Variants in GABRG3 observed in about 807,000 individuals in gnomAD.
GABRG3 encodes gamma-aminobutyric acid type A receptor subunit gamma3.
Under a neutral mutation model 48.8 loss-of-function variants are expected in GABRG3, and 25 were observed. The observed-to-expected ratio is 0.51, with a 90% CI of 0.37 to 0.72. The LOEUF is 0.72. GABRG3 is among the 30% of genes least tolerant of loss of function. The pLI is 0.00. For missense variants in GABRG3, 394 were observed against 577.9 expected (o/e 0.68, Z 3.26); for synonymous variants, 227 against 217.6 (o/e 1.04, Z -0.38).
chr15:27,308,658 A>G (rs34423289), intron 3 of GABRG3, among the ~76,000 whole-genome samples: 3 of 149,560 alleles, frequency 2.0e-5, no homozygotes, highest in African/African-American at 7.3e-5. Context: ...TTATGTATAA[A>G]CATATAATGT....
chr15:27,480,365 G>T (rs934198614), intron 5 of GABRG3, among the ~76,000 whole-genome samples: 2 of 152,152 alleles, frequency 1.3e-5, no homozygotes, highest in African/African-American at 4.8e-5. Context: ...GGCAGCTGTG[G>T]CTCTCCAAGG....
At chr15:27,033,617 T>C (rs1220308009) in intron 3 of GABRG3, among the ~76,000 whole-genome samples, 1 of 152,154 alleles carries the variant, frequency 6.6e-6, no homozygotes, top group Non-Finnish European at 1.5e-5. Flanking sequence ...CACTAAAGGA[T>C]ACGAATTATG....
At position 27,425,505 on chromosome 15, in the gene GABRG3, G is replaced by A. The variant is rs143168268; in HGVS notation, c.575-55145G>A. Among the ~76,000 whole-genome samples, 457 of 151,428 alleles carry A rather than the reference G, an allele frequency of 3.0e-3. 3 individuals carry two copies. The highest frequency in any genetic ancestry group is 0.011 in the African/African-American group (435 of 41,252). On this transcript the variant is annotated intron_variant, in intron 5 of 9. Coordinates refer to ENST00000615808, the MANE Select transcript of GABRG3 (RefSeq NM_033223.5). ...GGGCGCCTGTAGTCCCAGCTACTCG[G>A]GAGGCTGAGGCAGGAGAATGATGTC... is the stretch of plus-strand genomic sequence containing the variant.
At chr15:27,106,699 G>C (rs1897455347) in intron 3 of GABRG3, among the ~76,000 whole-genome samples, 3 of 151,906 alleles carry the variant, frequency 2.0e-5, no homozygotes, top group Admixed American at 1.3e-4. Flanking sequence ...AATAAAAGGA[G>C]AGATGATGCA....
intron 5 of GABRG3, among the ~76,000 whole-genome samples, chr15:27,335,017 A>G (rs1290128490): frequency 6.6e-6 from 1 of 152,250 alleles, no homozygotes; most frequent in Admixed American, 6.5e-5. Context: ...TGTGATATAT[A>G]AATACCTCTT....
chr15:27,456,555 T>C (rs1889285333), intron 5 of GABRG3, among the ~76,000 whole-genome samples: 1 of 151,708 alleles, frequency 6.6e-6, no homozygotes, highest in Non-Finnish European at 1.5e-5. Flanking sequence ...AGGCCAGGAG[T>C]CCACCAGTGG....
rs527739786 is a variant in GABRG3, at chr15:27,373,352, CT to C, written c.574+44465del. Reference sequence around the variant, plus strand: ...ACCAGTTAAAGGAGCATTTAAGGAACTAGGCATTTGTAGAAAATTGAATAAA... The same window carrying C: ...ACCAGTTAAAGGAGCATTTAAGGAACAGGCATTTGTAGAAAATTGAATAAA... On this transcript the variant is annotated intron_variant, in intron 5 of 9. Transcript: ENST00000615808. Among the ~76,000 whole-genome samples the C allele has an allele frequency of 2.0e-3, 307 of 152,210 alleles. 3 individuals carry two copies. Among genetic ancestry groups the C allele is most frequent in the South Asian group, 4.4e-3 (21 of 4,818 alleles).
At chr15:27,374,527 A>T (rs1408596590) in intron 5 of GABRG3, among the ~76,000 whole-genome samples, 1 of 152,164 alleles carries the variant, frequency 6.6e-6, no homozygotes, top group African/African-American at 2.4e-5. Flanking sequence ...ATAAACTAAC[A>T]TTTTATCCAT....
rs373703773 is a variant in GABRG3 at position 27,175,244 on chromosome 15, G to A, written c.270+148423G>A. On this transcript the variant is annotated intron_variant, in intron 3 of 9. Coordinates refer to ENST00000615808, the MANE Select transcript of GABRG3 (RefSeq NM_033223.5). ...GAGCCTGCAGGACTCCCCCAGCCTT[G>A]TCACCACATGCTGTCTTATTGCCCC... Among the ~76,000 whole-genome samples the A allele has an allele frequency of 3.3e-5, 5 of 152,224 alleles. No individual in the cohort carries two copies. The South Asian group carries it at 6.2e-4, about 19-fold the overall frequency.
intron 2 of GABRG3, among the ~76,000 whole-genome samples, chr15:27,016,565 A>G (rs950718708): frequency 6.6e-6 from 1 of 152,026 alleles, no homozygotes; most frequent in Non-Finnish European, 1.5e-5. Flanking sequence ...TTGGATTATG[A>G]TGTGTCTCTT....
intron 5 of GABRG3, among the ~76,000 whole-genome samples, chr15:27,421,885 A>G (rs1429277394): frequency 6.6e-6 from 1 of 151,944 alleles, no homozygotes; most frequent in Non-Finnish European, 1.5e-5. Context: ...CTGCATATCC[A>G]CCAATACTGA....
chr15:27,034,403 A>G (rs1440986577), intron 3 of GABRG3, among the ~76,000 whole-genome samples: 1 of 152,232 alleles, frequency 6.6e-6, no homozygotes, highest in Non-Finnish European at 1.5e-5. Context: ...TAAAAAAAGA[A>G]GTGAAAAATA....
intron 3 of GABRG3, among the ~76,000 whole-genome samples, chr15:27,248,455 A>G (rs970258552): frequency 6.6e-6 from 1 of 152,188 alleles, no homozygotes; most frequent in African/African-American, 2.4e-5. Flanking sequence ...TATACCATGT[A>G]CAATGATTGG....
At chr15:27,467,087 T>C (rs769910768) in intron 5 of GABRG3, among the ~76,000 whole-genome samples, 2 of 152,134 alleles carry the variant, frequency 1.3e-5, no homozygotes, top group Non-Finnish European at 2.9e-5. Context: ...CATGCATTTC[T>C]CACAGTTCTG....
intron 5 of GABRG3, chr15:27,362,817 T>G (rs991727169): frequency 6.6e-6 from 1 of 152,170 alleles, no homozygotes; most frequent in Admixed American, 6.5e-5. Context: ...GAGCCAGATA[T>G]CATTTCTTCA....
chr15:27,286,849 G>GC (rs1366648189), intron 3 of GABRG3, among the ~76,000 whole-genome samples: 1 of 152,140 alleles, frequency 6.6e-6, no homozygotes, highest in African/African-American at 2.4e-5. Context: ...ACGTGTCCCT[G>GC]CAAGTCTTAG....
At chr15:27,271,284 C>T (rs2140473695) in intron 3 of GABRG3, among the ~76,000 whole-genome samples, 1 of 152,324 alleles carries the variant, frequency 6.6e-6, no homozygotes, top group South Asian at 2.1e-4. Flanking sequence ...ATTCTCCAGC[C>T]CTGCGACAGA....
chr15:27,011,256 T>A (rs1444801630), intron 2 of GABRG3, among the ~76,000 whole-genome samples: 2 of 152,176 alleles, frequency 1.3e-5, no homozygotes, highest in African/African-American at 4.8e-5. Flanking sequence ...TCAGAAATGT[T>A]CTTTATCTTT....
intron 3 of GABRG3, among the ~76,000 whole-genome samples, chr15:27,123,261 T>G (rs1897762262): frequency 6.6e-6 from 1 of 152,208 alleles, no homozygotes; most frequent in African/African-American, 2.4e-5. Context: ...CTCTTGGACA[T>G]TGTTATGGTC....
Sources: gnomAD v4.1 joint callset for allele counts (sites outside exome capture counted in the v4.1 genomes callset) on GRCh38, gnomAD v4.1.1 for gene constraint, MANE v1.5 for transcripts, NCBI Gene and HGNC (gene_info 2026-07-23, HGNC 2026-07-21) for gene names.